Variants in SMC6 observed in about 807,000 individuals in gnomAD.
The protein encoded by SMC6 is structural maintenance of chromosomes protein 6.
A neutral mutation model predicts 142.2 loss-of-function variants in SMC6; 79 were observed. The ratio of observed to expected loss-of-function variants is 0.56; its 90% confidence interval spans 0.46 to 0.67. The LOEUF is 0.67. Ranked by LOEUF, SMC6 falls within the 30% of genes least tolerant of loss-of-function variation. The probability of loss-of-function intolerance (pLI) is 0.00; values close to 1 mark genes in which losing one functional copy is unlikely to be tolerated. For missense variants in SMC6, 1,072 were observed against 1,284.0 expected (o/e 0.83, Z 2.52); for synonymous variants, 411 against 412.4 (o/e 1.00, Z 0.04).
intron 18 of SMC6, among the ~76,000 whole-genome samples, chr2:17,705,420 T>C (rs1041861614): frequency 6.6e-6 from 1 of 151,902 alleles, no homozygotes; most frequent in Non-Finnish European, 1.5e-5. Context: ...CCACAAACAT[T>C]AGTTGGGCAT....
chr2:17,688,967 A>C (rs968683636), intron 23 of SMC6, among the ~76,000 whole-genome samples: 11 of 152,246 alleles, frequency 7.2e-5, no homozygotes, highest in Non-Finnish European at 1.5e-4. Context: ...AAGAATCATT[A>C]GCAGAGGATA....
In SMC6 at chr2:17,671,990, CATTT is replaced by C. The variant is rs139004217; in HGVS notation, c.2911-1419_2911-1416del. 5.0e-3 allele frequency among the ~76,000 whole-genome samples: 757 copies of C among 152,072 alleles called. 3 individuals are homozygous for C. Among genetic ancestry groups the C allele is most frequent in the African/African-American group, 0.017 (715 of 41,520 alleles). On this transcript the variant is annotated intron_variant, in intron 25 of 27. Transcript: ENST00000448223. ...GTGATACTGCTCTCAAGTGAGCATT[CATTT>C]ATTTTTTAATATTAACATTATTAAT...
At chr2:17,685,625 A>G (rs554029666) in intron 23 of SMC6, among the ~76,000 whole-genome samples, 1 of 152,244 alleles carries the variant, frequency 6.6e-6, no homozygotes, top group East Asian at 1.9e-4. Context: ...ACAGATATAC[A>G]AAAATGGACA....
At chr2:17,721,573 C>G (rs1669376535) in intron 9 of SMC6, among the ~76,000 whole-genome samples, 1 of 152,112 alleles carries the variant, frequency 6.6e-6, no homozygotes, top group East Asian at 1.9e-4. Flanking sequence ...TCTTTATTCC[C>G]TATCTGATAG....
chr2:17,681,412 T>A (rs1667232911), intron 24 of SMC6: 1 of 152,520 alleles, frequency 6.6e-6, no homozygotes, highest in South Asian at 2.0e-4. Flanking sequence ...CTTGGCTAAC[T>A]GGCACAAGAG....
In SMC6 at chr2:17,734,208, A is replaced by G. The variant is rs150631275; in HGVS notation, c.345-2331T>C. On this transcript the variant is annotated intron_variant, in intron 5 of 27. Transcript: ENST00000448223. ...CAGAGAGAGAAGTGACTCAGTTCTTACAGGGTCTCAGTCTGGTCCCTCAAG... is the reference window on the plus strand; with the variant it reads ...CAGAGAGAGAAGTGACTCAGTTCTTGCAGGGTCTCAGTCTGGTCCCTCAAG... Among the ~76,000 whole-genome samples the G allele has an allele frequency of 4.9e-3, 741 of 152,308 alleles. 10 individuals are homozygous for G. Among genetic ancestry groups the G allele is most frequent in the African/African-American group, 0.017 (697 of 41,580 alleles).
At chr2:17,695,082 G>C in intron 23 of SMC6, 70 bp downstream of exon 23, 2 of 1,542,580 alleles carry the variant, frequency 1.3e-6, no homozygotes, top group Non-Finnish European at 1.8e-6. Context: ...ACATGTATAT[G>C]TTTTTCATTT....
At chr2:17,745,990 T>A in intron 2 of SMC6, 39 bp from the exon 3 acceptor site, 1 of 1,528,210 alleles carries the variant, frequency 6.5e-7, no homozygotes, top group Non-Finnish European at 8.8e-7. Context: ...GTAAATCAAG[T>A]TCCATATATA....
intron 4 of SMC6, among the ~76,000 whole-genome samples, chr2:17,740,362 C>T (rs1024759736): frequency 1.3e-4 from 20 of 152,304 alleles, no homozygotes; most frequent in African/African-American, 4.8e-4. Flanking sequence ...CTAGCATTGT[C>T]ACCAGTTGGT....
At chr2:17,673,714 C>T (rs377688194) in intron 25 of SMC6, among the ~76,000 whole-genome samples, 2 of 151,722 alleles carry the variant, frequency 1.3e-5, no homozygotes, top group East Asian at 1.9e-4. Flanking sequence ...GGATTACAGG[C>T]ATGTGCCACC....
chr2:17,670,382 A>G, intron 26 of SMC6, 41 bp downstream of exon 26: 4 of 1,575,812 alleles, frequency 2.5e-6, no homozygotes, highest in Non-Finnish European at 3.4e-6. Flanking sequence ...TGTTTCAAAC[A>G]AACAAAAAAA....
chr2:17,700,972 AGTGAGCCAAGATT>A (rs1668242360), intron 20 of SMC6, among the ~76,000 whole-genome samples: 1 of 151,872 alleles, frequency 6.6e-6, no homozygotes, highest in South Asian at 2.1e-4. Flanking sequence ...CAGAGGTTGC[AGTGAGCCAAGATT>A]GCACCACTGC....
At position 17,731,868 on chromosome 2, in the gene SMC6, A is replaced by G. The variant is rs1367788866; in HGVS notation, c.354T>C (p.Asp118=). 2 of 1,613,242 alleles carry G rather than the reference A, an allele frequency of 1.2e-6. No individual in the cohort carries two copies. Among genetic ancestry groups the G allele is most frequent in the African/African-American group, 1.3e-5 (1 of 74,912 alleles). Residue 118 remains aspartate (D), a synonymous_variant, in exon 6 of 28, where the codon GAT becomes GAC. Coordinates refer to ENST00000448223, the MANE Select transcript of SMC6 (RefSeq NM_001142286.2). ...CTCTGTTCCTCAATGTTATTGAGAT[A>G]TCTGCAGAGCTGAAAGAATGAGGTT... The part of the protein sequence containing the change: ...GFVKDGQNSA[D]ISITLRNRGD...
chr2:17,718,086 A>T lies in SMC6; in HGVS notation c.1083T>A (p.Asn361Lys). 6.2e-7 allele frequency: 1 copy of T among 1,604,838 alleles called. No homozygotes were observed. Among genetic ancestry groups the T allele is most frequent in the Non-Finnish European group, 8.5e-7 (1 of 1,175,870 alleles). The stretch of plus-strand genomic sequence containing the variant: ...AGAAAATTTATCTCACCTCAGCTTC[A>T]TTATAGGCCCTTTTCTTAGCAACAA... Reference protein sequence around the residue: ...ADVVAKKRAYNEAEVLYNRSL... With the variant: ...ADVVAKKRAYKEAEVLYNRSL... Residue 361 changes from asparagine to lysine, a missense_variant, in exon 12 of 28, where the codon AAT (asparagine) becomes AAA (lysine). Physicochemically the swap from Asn to Lys is moderately conservative, Grantham distance 94. This residue lies in a region of SMC6 where 994 missense variants were observed against 1,153.2 expected (regional missense o/e 0.86). Coordinates refer to ENST00000448223, the MANE Select transcript of SMC6 (RefSeq NM_001142286.2).
intron 5 of SMC6, among the ~76,000 whole-genome samples, chr2:17,735,248 A>G (rs1670095623): frequency 6.6e-6 from 1 of 152,138 alleles, no homozygotes; most frequent in Non-Finnish European, 1.5e-5. Flanking sequence ...GAGCCCAATG[A>G]GTGAAAAGAG....
At position 17,731,717 on chromosome 2, in the gene SMC6, A is replaced by C. The variant is rs775758278; in HGVS notation, c.481+24T>G. 1.9e-6 allele frequency: 3 copies of C among 1,600,896 alleles called. No individual in the cohort carries two copies. In the East Asian group the frequency reaches 6.7e-5, roughly 36 times the overall value. ...GAGTATTTCCTAATATTTTATAAGA[A>C]ATGAAAAGAGAATCAAAACAAACCT... is the stretch of plus-strand genomic sequence containing the variant. On this transcript the variant is annotated intron_variant, in intron 6 of 27. Coordinates refer to ENST00000448223, the MANE Select transcript of SMC6 (RefSeq NM_001142286.2).
At chr2:17,710,944 A>T (rs983633444) in intron 16 of SMC6, among the ~76,000 whole-genome samples, 1 of 152,174 alleles carries the variant, frequency 6.6e-6, no homozygotes, top group Non-Finnish European at 1.5e-5. Context: ...GAAAAAAAAC[A>T]AGGATAAGAA....
At chr2:17,673,588 A>G (rs1666867324) in intron 25 of SMC6, among the ~76,000 whole-genome samples, 1 of 148,854 alleles carries the variant, frequency 6.7e-6, no homozygotes. Context: ...TTTTTTTTTG[A>G]GACAGAGTTT....
At chr2:17,700,486 A>G (rs1668215830) in intron 20 of SMC6, 108 bp from the exon 21 acceptor site, 1 of 753,416 alleles carries the variant, frequency 1.3e-6, no homozygotes, top group African/African-American at 1.8e-5. Context: ...GCTATATGCA[A>G]ATCAGATCAA....
Sources: gnomAD v4.1 joint callset for allele counts (sites outside exome capture counted in the v4.1 genomes callset) on GRCh38, gnomAD v4.1.1 for gene constraint, gnomAD v4.1.1 regional missense constraint, MANE v1.5 for transcripts, NCBI Gene and HGNC (gene_info 2026-07-23, HGNC 2026-07-21) for gene names.